KHDRBS2: variants seen among roughly 807,000 people sequenced by gnomAD.
The protein encoded by KHDRBS2 is KH domain-containing, RNA-binding, signal transduction-associated protein 2.
Under a neutral mutation model 44.3 loss-of-function variants are expected in KHDRBS2, and 26 were observed. The ratio of observed to expected loss-of-function variants is 0.59; its 90% confidence interval spans 0.43 to 0.81. The LOEUF (loss-of-function observed/expected upper bound fraction) is 0.81, where lower values mean the gene tolerates loss of function less well. Among genes scored for constraint, KHDRBS2 ranks in the 40% least tolerant of loss-of-function variants. KHDRBS2 has a pLI of 0.00. For synonymous variants in KHDRBS2, 194 were observed against 151.1 expected, an observed-to-expected ratio of 1.28 and a Z score of -2.08; for missense variants, 476 against 433.1, an observed-to-expected ratio of 1.10 and a Z score of -0.88.
intron 2 of KHDRBS2, among the ~76,000 whole-genome samples, chr6:62,148,046 A>G (rs1379731570): frequency 6.6e-6 from 1 of 152,050 alleles, no homozygotes; most frequent in Non-Finnish European, 1.5e-5. Context: ...AAATGTGTTA[A>G]GAGATATTTT....
At chr6:62,102,684 C>A (rs1426659126) in intron 2 of KHDRBS2, among the ~76,000 whole-genome samples, 1 of 152,116 alleles carries the variant, frequency 6.6e-6, no homozygotes, top group East Asian at 1.9e-4. Context: ...CTGCCAGGCA[C>A]CAGCAGAGGG....
intron 3 of KHDRBS2, among the ~76,000 whole-genome samples, chr6:62,035,157 A>C (rs1403996032): frequency 6.6e-6 from 1 of 152,038 alleles, no homozygotes; most frequent in Non-Finnish European, 1.5e-5. Context: ...CCTAACAAAA[A>C]GGAATCAGTA....
intron 7 of KHDRBS2, among the ~76,000 whole-genome samples, chr6:61,724,684 A>G (rs560624579): frequency 6.6e-6 from 1 of 152,302 alleles, no homozygotes; most frequent in Non-Finnish European, 1.5e-5. Context: ...AATAGACTTT[A>G]AACCAACAAA....
intron 1 of KHDRBS2, among the ~76,000 whole-genome samples, chr6:62,204,211 T>C (rs1827555978): frequency 6.6e-6 from 1 of 152,122 alleles, no homozygotes; most frequent in Admixed American, 6.6e-5. Flanking sequence ...GATTATGACA[T>C]GAGGCAATAT....
At chr6:62,237,676 C>A (rs564050323) in intron 1 of KHDRBS2, among the ~76,000 whole-genome samples, 29 of 152,220 alleles carry the variant, frequency 1.9e-4, no homozygotes, top group South Asian at 1.0e-3. Context: ...ACCAGTCATT[C>A]CCACTAGAGG....
intron 4 of KHDRBS2, among the ~76,000 whole-genome samples, chr6:61,929,216 G>A (rs1279543780): frequency 6.6e-6 from 1 of 152,070 alleles, no homozygotes; most frequent in African/African-American, 2.4e-5. Context: ...AAGCAAATAT[G>A]GGGTTGTGTA....
intron 6 of KHDRBS2, among the ~76,000 whole-genome samples, chr6:61,818,620 G>A (rs577409040): frequency 7.9e-5 from 12 of 152,016 alleles, no homozygotes; most frequent in African/African-American, 2.6e-4. Flanking sequence ...TTTGACACTG[G>A]ACAATGGAAT....
At chr6:61,801,944 G>A (rs1786347310) in intron 6 of KHDRBS2, among the ~76,000 whole-genome samples, 1 of 152,152 alleles carries the variant, frequency 6.6e-6, no homozygotes, top group Admixed American at 6.6e-5. Flanking sequence ...CTGATCATAT[G>A]AATCCTTTAA....
intron 2 of KHDRBS2, among the ~76,000 whole-genome samples, chr6:62,082,927 T>C (rs1408507041): frequency 6.6e-6 from 1 of 152,134 alleles, no homozygotes; most frequent in Admixed American, 6.6e-5. Flanking sequence ...TAATTCCTCC[T>C]ATGATAAAGG....
At chr6:62,092,251 C>A (rs1799630122) in intron 2 of KHDRBS2, among the ~76,000 whole-genome samples, 1 of 152,074 alleles carries the variant, frequency 6.6e-6, no homozygotes, top group South Asian at 2.1e-4. Flanking sequence ...CTGCATAACT[C>A]ACCCAAATGG....
chr6:61,938,035 C>T (rs771140269), intron 4 of KHDRBS2, among the ~76,000 whole-genome samples: 1 of 151,994 alleles, frequency 6.6e-6, no homozygotes, highest in Non-Finnish European at 1.5e-5. Context: ...TCCAGGACAC[C>T]TTCTACAGCC....
the KHDRBS2 span, among the ~76,000 whole-genome samples, chr6:61,627,822 A>G: frequency 1.3e-5 from 2 of 152,084 alleles, no homozygotes; most frequent in African/African-American, 2.4e-5. Context: ...AATTTTCTGA[A>G]GTATTAATAT....
the KHDRBS2 span, among the ~76,000 whole-genome samples, chr6:61,642,152 C>T: frequency 6.6e-6 from 1 of 152,072 alleles, no homozygotes; most frequent in Non-Finnish European, 1.5e-5. Context: ...ACTTCTGTAA[C>T]AGAAAAATTT....
chr6:61,662,806 T>G, the KHDRBS2 span, among the ~76,000 whole-genome samples: 1 of 151,876 alleles, frequency 6.6e-6, no homozygotes, highest in Non-Finnish European at 1.5e-5. Context: ...TTGGTGGGAC[T>G]GTAAACTAGT....
chr6:62,049,322 C>A (rs1351851818), intron 2 of KHDRBS2, among the ~76,000 whole-genome samples: 8 of 150,508 alleles, frequency 5.3e-5, no homozygotes, highest in African/African-American at 1.9e-4. Flanking sequence ...AAAAAGGAAA[C>A]AAAAAAAAAC....
intron 6 of KHDRBS2, among the ~76,000 whole-genome samples, chr6:61,757,412 G>A (rs747306780): frequency 6.6e-6 from 1 of 152,074 alleles, no homozygotes; most frequent in Non-Finnish European, 1.5e-5. Flanking sequence ...TTTGATTGGT[G>A]TTAGAATAGT....
the KHDRBS2 span, among the ~76,000 whole-genome samples, chr6:61,593,867 C>G: frequency 3.3e-5 from 5 of 152,062 alleles, no homozygotes; most frequent in East Asian, 9.6e-4. Context: ...ACTATATAGA[C>G]AAAGTATCAG....
intron 6 of KHDRBS2, among the ~76,000 whole-genome samples, chr6:61,837,319 T>C (rs527458230): frequency 6.6e-6 from 1 of 152,190 alleles, no homozygotes; most frequent in African/African-American, 2.4e-5. Flanking sequence ...TGATTTTGCA[T>C]GCTTTTCTCC....
chr6:62,264,966 C>T (rs1436702284), intron 1 of KHDRBS2, among the ~76,000 whole-genome samples: 1 of 151,770 alleles, frequency 6.6e-6, no homozygotes, highest in Non-Finnish European at 1.5e-5. Flanking sequence ...CCCACTGAAA[C>T]TCATCAGATT....
Sources: allele counts gnomAD v4.1 joint callset (sites outside exome capture counted in the v4.1 genomes callset), GRCh38; gene constraint gnomAD v4.1.1; transcripts MANE v1.5; gene names NCBI Gene and HGNC (gene_info 2026-07-23, HGNC 2026-07-21).